The following TEAD2 variants were observed in gnomAD, a reference collection of about 807,000 sequenced individuals.
TEAD2 encodes transcriptional enhancer factor TEF-4.
TEAD2 carries 51 observed loss-of-function variants against 61.4 expected under a neutral mutation model. That is an observed-to-expected ratio of 0.83 (90% CI 0.66 to 1.05). The LOEUF is 1.05. TEAD2 is among the 50% of genes least tolerant of loss of function. TEAD2 has a pLI of 0.00. For missense variants in TEAD2, 509 were observed against 600.0 expected, an observed-to-expected ratio of 0.85 and a Z score of 1.58; for synonymous variants, 244 against 243.2, an observed-to-expected ratio of 1.00 and a Z score of -0.03.
At chr19:49,355,821 G>T in intron 5 of TEAD2, 138 bp downstream of exon 5, 1 of 764,096 alleles carries the variant, frequency 1.3e-6, no homozygotes, top group African/African-American at 1.8e-5. Flanking sequence ...GCAAGACCCT[G>T]TCTCCAAAAA....
At chr19:49,350,946 C>G (rs369540018) in intron 8 of TEAD2, among the ~76,000 whole-genome samples, 1 of 151,870 alleles carries the variant, frequency 6.6e-6, no homozygotes, top group East Asian at 1.9e-4. Context: ...TTTGGAAAGC[C>G]GAGGCAGGCG....
chr19:49,347,551 C>T (rs1257849040), intron 9 of TEAD2, 188 bp from the exon 10 acceptor site: 2 of 628,328 alleles, frequency 3.2e-6, no homozygotes, highest in Non-Finnish European at 5.5e-6. Flanking sequence ...TCCCCTGCAG[C>T]CCTGCAGTCC....
intron 4 of TEAD2, among the ~76,000 whole-genome samples, chr19:49,356,798 C>A (rs78078694): frequency 6.6e-6 from 1 of 151,826 alleles, no homozygotes; most frequent in African/African-American, 2.4e-5. Context: ...TCCATGCCAT[C>A]GCTCCCTGCC....
Position 49,359,935 on chromosome 19 carries a change from T to C in TEAD2, c.141A>G (p.Pro47=). Residue 47 remains proline, a synonymous_variant, in exon 2 of 13, where the codon CCA becomes CCG. Coordinates refer to ENST00000593945, the MANE Select transcript of TEAD2 (RefSeq NM_001256660.2). This position sits in a 1 kb window ranked among gnomAD's most constrained non-coding sequence, Gnocchi z 4.1. ...CCTCCTGGAAGCTCTGCTCAATGTC[T>C]GGGCTCCACACCCCCTCTGCATCCG... ...GGPDAEGVWS[P]DIEQSFQEAL... is the part of the protein sequence containing the mutation. 6.2e-7 allele frequency: 1 copy of C among 1,612,686 alleles called. No individual in the cohort carries two copies. The highest frequency in any genetic ancestry group is 2.2e-5 in the East Asian group (1 of 44,878).
chr19:49,343,018 A>G (rs2034144173), intron 11 of TEAD2, among the ~76,000 whole-genome samples: 1 of 152,000 alleles, frequency 6.6e-6, no homozygotes, highest in African/African-American at 2.4e-5. Flanking sequence ...AGTGACTCTA[A>G]GTCTCTATAC....
intron 1 of TEAD2, among the ~76,000 whole-genome samples, chr19:49,360,841 CAG>C (rs1244579866): frequency 9.7e-6 from 1 of 102,646 alleles, no homozygotes; most frequent in Non-Finnish European, 1.8e-5. Context: ...GGACAGAGAC[CAG>C]AGAGAGAGGG....
At chr19:49,350,744 G>A (rs372828115) in intron 8 of TEAD2, among the ~76,000 whole-genome samples, 13 of 152,144 alleles carry the variant, frequency 8.5e-5, no homozygotes, top group East Asian at 7.7e-4. Context: ...CTAGCAAGTG[G>A]CAGAACACAA....
At chr19:49,347,848 T>C (rs1971749987) in intron 9 of TEAD2, among the ~76,000 whole-genome samples, 1 of 152,190 alleles carries the variant, frequency 6.6e-6, no homozygotes. Context: ...AGAGGTCTTG[T>C]GGTTGATGTT....
At chr19:49,350,250 A>T (rs1410938733) in intron 8 of TEAD2, among the ~76,000 whole-genome samples, 1 of 152,204 alleles carries the variant, frequency 6.6e-6, no homozygotes, top group African/African-American at 2.4e-5. Flanking sequence ...GCCACGCCTG[A>T]GGCCATAATT....
At chr19:49,356,694 G>C (rs1297455581) in intron 4 of TEAD2, among the ~76,000 whole-genome samples, 1 of 152,124 alleles carries the variant, frequency 6.6e-6, no homozygotes, top group African/African-American at 2.4e-5. Context: ...GGAGGGACAG[G>C]AGCAGAGGGA....
At position 49,348,835 on chromosome 19, in the gene TEAD2, G is replaced by T. The variant is rs184144886; in HGVS notation, c.615C>A (p.Pro205=). 7 of 1,563,514 alleles carry T rather than the reference G, an allele frequency of 4.5e-6. No homozygotes were observed. The highest frequency in any genetic ancestry group is 6.0e-6 in the Non-Finnish European group (7 of 1,160,530). Residue 205 remains proline (P), a synonymous_variant, in exon 9 of 13, where the codon CCC becomes CCA. Transcript: ENST00000593945. ...PPSTDLPGYE[P]PQALSPLPPP... is the part of the protein sequence containing the mutation. Reference sequence around the variant, plus strand: ...GGGGCAGGGGTGAGAGGGCTTGGGGGGGCTCGTACCCTAGAGAGAGAGAAG... The same window carrying T: ...GGGGCAGGGGTGAGAGGGCTTGGGGTGGCTCGTACCCTAGAGAGAGAGAAG...
rs549318117 is a variant in TEAD2 at position 49,360,722 on chromosome 19, T to A, written c.-6-641A>T. 1.1e-4 allele frequency among the ~76,000 whole-genome samples: 12 copies of A among 111,556 alleles called. No homozygotes were observed. The South Asian group carries it at 1.8e-3, about 17-fold the overall frequency. The allele number at this position is 111,556 out of a possible 152,430, so 73.2% of individuals were successfully genotyped here. A position where few individuals can be genotyped will look rare whatever the true frequency, so the allele number is the denominator to read the frequency against. ...GGGGCCAAGCAAGACTGAGGGGAGGTCTAGAGAGAGGGGGACAGAGACCCA... is the reference window on the plus strand; with the variant it reads ...GGGGCCAAGCAAGACTGAGGGGAGGACTAGAGAGAGGGGGACAGAGACCCA... On this transcript the variant is annotated intron_variant, in intron 1 of 12. Coordinates refer to ENST00000593945, the MANE Select transcript of TEAD2 (RefSeq NM_001256660.2).
intron 10 of TEAD2, among the ~76,000 whole-genome samples, chr19:49,344,239 TC>T (rs1403552081): frequency 6.6e-6 from 1 of 151,592 alleles, no homozygotes; most frequent in South Asian, 2.1e-4. Flanking sequence ...TGGCCCTGTC[TC>T]CCCAGTAACC....
At position 49,341,542 on chromosome 19, in the gene TEAD2, T is replaced by C; in HGVS notation, c.1243-105A>G. ...GGAATACCCAGCAGGCTCTTTTCCA[T>C]CTCCAGGAAACAGGCCGCCACCATA... On this transcript the variant is annotated intron_variant, in intron 12 of 12. Transcript: ENST00000593945. This position sits in a 1 kb window ranked among gnomAD's most constrained non-coding sequence, Gnocchi z 4.2. 1 of 920,312 alleles carries C rather than the reference T, an allele frequency of 1.1e-6. No homozygotes were observed. The highest frequency in any genetic ancestry group is 1.7e-6 in the Non-Finnish European group (1 of 589,048). The allele number at this position is 920,312 out of a possible 1,614,324, so 57.0% of individuals were successfully genotyped here.
Position 49,355,135 on chromosome 19 carries a change from A to G in TEAD2, c.539+13T>C. ...TGGGGGGCAGGTGCTGAGCCAGGAC[A>G]CATAGTACTCACTCTGGAACATTCC... On this transcript the variant is annotated intron_variant, in intron 7 of 12. Transcript: ENST00000593945. The G allele has an allele frequency of 6.2e-7, 1 of 1,604,098 alleles. No homozygotes were observed. The highest frequency in any genetic ancestry group is 8.5e-7 in the Non-Finnish European group (1 of 1,174,726).
chr19:49,342,889 T>A (rs1971392987), intron 11 of TEAD2, among the ~76,000 whole-genome samples: 1 of 152,022 alleles, frequency 6.6e-6, no homozygotes, highest in South Asian at 2.1e-4. Context: ...CTCCATGACG[T>A]CTTCAAACTC....
chr19:49,357,358 C>T, intron 3 of TEAD2, 44 bp from the exon 4 acceptor site: 5 of 1,598,774 alleles, frequency 3.1e-6, no homozygotes, highest in Non-Finnish European at 4.3e-6. Flanking sequence ...ACAGCCACCG[C>T]CCCTGTGTTC....
At chr19:49,347,587 C>T (rs1298569043) in intron 9 of TEAD2, among the ~76,000 whole-genome samples, 1 of 152,132 alleles carries the variant, frequency 6.6e-6, no homozygotes, top group Non-Finnish European at 1.5e-5. Context: ...CCTGCCACAA[C>T]TCCCCCAACT....
At chr19:49,347,859 T>C (rs1325183573) in intron 9 of TEAD2, among the ~76,000 whole-genome samples, 1 of 152,198 alleles carries the variant, frequency 6.6e-6, no homozygotes, top group Non-Finnish European at 1.5e-5. Context: ...GGTTGATGTT[T>C]TGATTGATGT....
Sources: allele counts gnomAD v4.1 joint callset (sites outside exome capture counted in the v4.1 genomes callset), GRCh38; gene constraint gnomAD v4.1.1; non-coding constraint Gnocchi (gnomAD v3.1); transcripts MANE v1.5; gene names NCBI Gene and HGNC (gene_info 2026-07-23, HGNC 2026-07-21).